Variants in TSPAN12 observed in about 807,000 individuals in gnomAD.
The protein encoded by TSPAN12 is tetraspanin 12, also known as tetraspanin-12.
In TSPAN12, 19 loss-of-function variants were observed where a neutral mutation model predicts 39.2. The observed-to-expected ratio is 0.49, with a 90% CI of 0.34 to 0.71. The LOEUF (loss-of-function observed/expected upper bound fraction) is 0.71, where lower values mean the gene tolerates loss of function less well. Among genes scored for constraint, TSPAN12 ranks in the 30% least tolerant of loss-of-function variants. The pLI, the probability that TSPAN12 is intolerant of heterozygous loss-of-function variation, is 0.01. For synonymous variants in TSPAN12, 119 were observed against 124.8 expected, an observed-to-expected ratio of 0.95 and a Z score of 0.31; for missense variants, 314 against 359.9, an observed-to-expected ratio of 0.87 and a Z score of 1.03.
chr7:120,831,756 T>A (rs1562948838), intron 4 of TSPAN12, among the ~76,000 whole-genome samples: 1 of 152,018 alleles, frequency 6.6e-6, no homozygotes, highest in African/African-American at 2.4e-5. Context: ...GAGTGATGTA[T>A]AAGTGTATAT....
chr7:120,801,124 T>G (rs539447892), intron 7 of TSPAN12, among the ~76,000 whole-genome samples: 1 of 152,142 alleles, frequency 6.6e-6, no homozygotes, highest in Non-Finnish European at 1.5e-5. Flanking sequence ...AAATGATTTT[T>G]TTTTTCTTTA....
intron 7 of TSPAN12, among the ~76,000 whole-genome samples, chr7:120,805,273 A>G (rs922416253): frequency 2.0e-5 from 3 of 152,116 alleles, no homozygotes; most frequent in Non-Finnish European, 4.4e-5. Flanking sequence ...TATAGGTAGT[A>G]CAGCATTCTT....
At chr7:120,808,311 G>C (rs891101695) in intron 6 of TSPAN12, among the ~76,000 whole-genome samples, 7 of 152,074 alleles carry the variant, frequency 4.6e-5, no homozygotes, top group African/African-American at 1.7e-4. Context: ...ATTTTAGAAA[G>C]CATTTGTATA....
chr7:120,809,926 T>G (rs962282110), intron 6 of TSPAN12, among the ~76,000 whole-genome samples: 2 of 152,162 alleles, frequency 1.3e-5, no homozygotes, highest in Non-Finnish European at 2.9e-5. Flanking sequence ...TTATCACTAT[T>G]TTAAAGGTGA....
At chr7:120,799,465 CATAATTATTTTTATAATTATAT>C (rs1032085439) in intron 7 of TSPAN12, among the ~76,000 whole-genome samples, 6 of 129,866 alleles carry the variant, frequency 4.6e-5, no homozygotes, top group Admixed American at 8.8e-5. Context: ...AATTTAATTA[CATAATTATTTTTATAATTATAT>C]ATAATTATTT....
chr7:120,810,454 A>T lies in TSPAN12; in HGVS notation c.468+9T>A. On this transcript the variant is annotated intron_variant, in intron 6 of 7. Transcript: ENST00000222747. Reference sequence around the variant, plus strand: ...TCACTCTCTCTACCTCAGAAATTGTAGCACTTACCTCTCTCTGAAAAAAAT... The same window carrying T: ...TCACTCTCTCTACCTCAGAAATTGTTGCACTTACCTCTCTCTGAAAAAAAT... 1 of 1,542,840 alleles carries T rather than the reference A, an allele frequency of 6.5e-7. No homozygotes were observed. The highest frequency in any genetic ancestry group is 1.1e-5 in the South Asian group (1 of 89,636).
intron 7 of TSPAN12, among the ~76,000 whole-genome samples, chr7:120,805,192 A>C (rs1363626845): frequency 1.3e-5 from 2 of 152,104 alleles, no homozygotes; most frequent in African/African-American, 2.4e-5. Flanking sequence ...AAATGGTGAC[A>C]TATTCTTGTC....
intron 4 of TSPAN12, among the ~76,000 whole-genome samples, chr7:120,830,378 A>G (rs1334488573): frequency 6.6e-6 from 1 of 152,172 alleles, no homozygotes; most frequent in Non-Finnish European, 1.5e-5. Context: ...TGCAGGTATC[A>G]CACTACCTGA....
In TSPAN12 at chr7:120,810,453, T is replaced by A. The variant is rs1278193915; in HGVS notation, c.468+10A>T. On this transcript the variant is annotated intron_variant, in intron 6 of 7. Coordinates refer to ENST00000222747, the MANE Select transcript of TSPAN12 (RefSeq NM_012338.4). ...TTCACTCTCTCTACCTCAGAAATTG[T>A]AGCACTTACCTCTCTCTGAAAAAAA... 6.5e-7 allele frequency: 1 copy of A among 1,541,508 alleles called. No homozygotes were observed. Among genetic ancestry groups the A allele is most frequent in the Admixed American group, 1.7e-5 (1 of 59,900 alleles).
rs768053082 is a variant in TSPAN12 at position 120,810,467 on chromosome 7, C to G, written c.464G>C (p.Arg155Thr). The change falls in exon 6 of 8, where the codon AGA (arginine) becomes ACA (threonine). Residue 155 changes from arginine to threonine, a missense_variant. Arg to Thr is a moderately conservative substitution (Grantham distance 71). Coordinates refer to ENST00000222747, the MANE Select transcript of TSPAN12 (RefSeq NM_012338.4). ...WLTHAWNFFQ[R>T]EFKCCGVVYF... ...CTCAGAAATTGTAGCACTTACCTCT[C>G]TCTGAAAAAAATTCCAAGCATGAGT... The G allele has an allele frequency of 4.4e-6, 7 of 1,605,326 alleles. No individual in the cohort carries two copies. The East Asian group carries it at 1.6e-4, about 36-fold the overall frequency.
intron 1 of TSPAN12, 28 bp from the exon 2 acceptor site, chr7:120,856,861 G>T: frequency 7.7e-7 from 1 of 1,302,274 alleles, no homozygotes; most frequent in Non-Finnish European, 1.1e-6. Flanking sequence ...GAGAGAACAC[G>T]GGACATCTCA....
rs994888456 is a variant in TSPAN12 at position 120,788,045 on chromosome 7, T to C, written c.*547A>G. On this transcript the variant is annotated 3_prime_UTR_variant, in exon 8 of 8. Transcript: ENST00000222747. ...TAAGACAATGTGTTAGCTTGCTCTT[T>C]TAAGTGGTAAGAATATTTTAGTAAC... The C allele has an allele frequency of 6.1e-6, 1 of 163,742 alleles. No individual in the cohort carries two copies. Among genetic ancestry groups the C allele is most frequent in the African/African-American group, 2.4e-5 (1 of 41,520 alleles). The allele number at this position is 163,742 out of a possible 1,614,324, so 10.1% of individuals were successfully genotyped here.
At chr7:120,808,607 T>G (rs1014637126) in intron 6 of TSPAN12, among the ~76,000 whole-genome samples, 1 of 152,168 alleles carries the variant, frequency 6.6e-6, no homozygotes, top group Non-Finnish European at 1.5e-5. Flanking sequence ...CCAAAGCCTA[T>G]GCTCCAACTA....
At chr7:120,804,920 C>T (rs1257896122) in intron 7 of TSPAN12, among the ~76,000 whole-genome samples, 12 of 151,948 alleles carry the variant, frequency 7.9e-5, no homozygotes, top group Admixed American at 7.9e-4. Flanking sequence ...GTCAGCACAC[C>T]ACCAGAAGCT....
At chr7:120,801,835 T>C (rs1793777336) in intron 7 of TSPAN12, among the ~76,000 whole-genome samples, 5 of 152,186 alleles carry the variant, frequency 3.3e-5, no homozygotes, top group Admixed American at 3.3e-4. Context: ...TGTTTTCTTA[T>C]TCTCTTACAT....
intron 7 of TSPAN12, among the ~76,000 whole-genome samples, chr7:120,802,606 C>G (rs1793795630): frequency 6.6e-6 from 1 of 152,082 alleles, no homozygotes; most frequent in African/African-American, 2.4e-5. Flanking sequence ...ATATCCCTAG[C>G]ATTTAGAAGA....
chr7:120,808,517 T>C (rs1335649646), intron 6 of TSPAN12, among the ~76,000 whole-genome samples: 1 of 152,140 alleles, frequency 6.6e-6, no homozygotes, highest in African/African-American at 2.4e-5. Context: ...ATACCATCCA[T>C]TTTACATATG....
chr7:120,837,860 T>C (rs1167792523), intron 4 of TSPAN12, among the ~76,000 whole-genome samples: 1 of 152,230 alleles, frequency 6.6e-6, no homozygotes, highest in Non-Finnish European at 1.5e-5. Context: ...AGTGATTTCA[T>C]GTTGGTAACT....
intron 2 of TSPAN12, among the ~76,000 whole-genome samples, chr7:120,843,663 G>A (rs931877391): frequency 6.6e-6 from 1 of 152,174 alleles, no homozygotes; most frequent in African/African-American, 2.4e-5. Context: ...CCCCCATAAT[G>A]AGATGTGTAC....
Sources: allele counts gnomAD v4.1 joint callset (sites outside exome capture counted in the v4.1 genomes callset), GRCh38; gene constraint gnomAD v4.1.1; transcripts MANE v1.5; gene names NCBI Gene and HGNC (gene_info 2026-07-23, HGNC 2026-07-21).